Variants in XYLT1 observed in about 807,000 individuals in gnomAD.
The protein encoded by XYLT1 is xylosyltransferase 1, also known as beta-D-xylosyltransferase 1.
XYLT1 carries 36 observed loss-of-function variants against 91.3 expected under a neutral mutation model. The observed-to-expected ratio is 0.39, with a 90% CI of 0.30 to 0.52. The LOEUF is 0.52. XYLT1 is among the 20% of genes least tolerant of loss of function. The pLI, the probability that XYLT1 is intolerant of heterozygous loss-of-function variation, is 0.68. For synonymous variants in XYLT1, 588 were observed against 532.0 expected, an observed-to-expected ratio of 1.11 and a Z score of -1.45; for missense variants, 1,242 against 1,284.5, an observed-to-expected ratio of 0.97 and a Z score of 0.51.
chr16:17,373,713 G>A lies in XYLT1; in HGVS notation c.364-15663C>T, dbSNP rs115533091. Among the ~76,000 whole-genome samples the A allele has an allele frequency of 3.7e-3, 558 of 152,276 alleles. 5 individuals are homozygous for A. The highest frequency in any genetic ancestry group is 0.013 in the African/African-American group (539 of 41,536). On this transcript the variant is annotated intron_variant, in intron 1 of 11. Transcript: ENST00000261381. ...TATTAGCCTCTATTTACAGATGAGGGACCTGGGCTCAGAGAGGTTATGCCA... is the reference window on the plus strand; with the variant it reads ...TATTAGCCTCTATTTACAGATGAGGAACCTGGGCTCAGAGAGGTTATGCCA...
rs975849453 is a variant in XYLT1 at position 17,470,398 on chromosome 16, C to A, written c.363+36G>T. 3.3e-6 allele frequency: 4 copies of A among 1,222,436 alleles called. No individual in the cohort carries two copies. The African/African-American group carries it at 6.3e-5, about 19-fold the overall frequency. The allele number at this position is 1,222,436 out of a possible 1,614,324, so 75.7% of individuals were successfully genotyped here. ...TGGGGTCGGGCTGCCTTCCTCCCTC[C>A]CTCGCCGCGGGGCGCGAGCCGAAAG... On this transcript the variant is annotated intron_variant, in intron 1 of 11. Transcript: ENST00000261381.
At chr16:17,204,914 T>G (rs1349896687) in intron 3 of XYLT1, among the ~76,000 whole-genome samples, 1 of 150,102 alleles carries the variant, frequency 6.7e-6, no homozygotes, top group East Asian at 2.0e-4. Context: ...TATGTGGGTC[T>G]TTATGAACAC....
intron 5 of XYLT1, among the ~76,000 whole-genome samples, chr16:17,161,979 G>T (rs574599654): frequency 1.1e-4 from 17 of 152,064 alleles, no homozygotes; most frequent in Middle Eastern, 3.4e-3. Context: ...AATCTTTTTC[G>T]AAATGAATAA....
intron 1 of XYLT1, among the ~76,000 whole-genome samples, chr16:17,448,686 GGAGGGGGGAGGAGGAA>G (rs112948831): frequency 0.55 from 74,771 of 136,528 alleles, 24,107 homozygotes; most frequent in African/African-American, 0.89. Context: ...GAGGGGAGGT[GGAGGGGGGAGGAGGAA>G]GAGGGGGGAG....
intron 1 of XYLT1, among the ~76,000 whole-genome samples, chr16:17,385,524 T>C (rs1048450978): frequency 2.0e-5 from 3 of 151,914 alleles, no homozygotes; most frequent in Non-Finnish European, 4.4e-5. Flanking sequence ...CAAATGCATT[T>C]TTGACACAAT....
chr16:17,400,845 G>A (rs534070881), intron 1 of XYLT1, among the ~76,000 whole-genome samples: 5 of 152,170 alleles, frequency 3.3e-5, no homozygotes, highest in South Asian at 2.1e-4. Flanking sequence ...AAGGACAAAC[G>A]GGAATCAACC....
chr16:17,293,993 T>A (rs1019759745), intron 2 of XYLT1, among the ~76,000 whole-genome samples: 16 of 152,182 alleles, frequency 1.1e-4, no homozygotes, highest in African/African-American at 3.9e-4. Flanking sequence ...GCTCCATGGC[T>A]GTGCAATCTT....
intron 6 of XYLT1, among the ~76,000 whole-genome samples, chr16:17,149,394 A>G (rs547156767): frequency 2.0e-5 from 3 of 152,140 alleles, no homozygotes; most frequent in African/African-American, 7.2e-5. Context: ...TAAAAAAAAA[A>G]CAACCTGAGA....
intron 1 of XYLT1, among the ~76,000 whole-genome samples, chr16:17,468,267 A>G (rs1220036754): frequency 1.3e-5 from 2 of 152,078 alleles, no homozygotes; most frequent in Non-Finnish European, 2.9e-5. Flanking sequence ...GTGGGGGGAG[A>G]GGAAAGAAAG....
At position 17,424,761 on chromosome 16, in the gene XYLT1, G is replaced by A. The variant is rs185646680; in HGVS notation, c.363+45673C>T. Among the ~76,000 whole-genome samples, 502 of 151,748 alleles carry A rather than the reference G, an allele frequency of 3.3e-3. 1 individual carries two copies. The highest frequency in any genetic ancestry group is 5.7e-3 in the Non-Finnish European group (388 of 67,938). On this transcript the variant is annotated intron_variant, in intron 1 of 11. Transcript: ENST00000261381. ...TAGGTGCCTGTAATCCCAGCTACTC[G>A]GGAGGCTGAGGCAGGAGAATTGCTT...
chr16:17,134,543 G>T lies in XYLT1; in HGVS notation c.1957C>A (p.His653Asn). 1 of 1,614,160 alleles carries T rather than the reference G, an allele frequency of 6.2e-7. No homozygotes were observed. The highest frequency in any genetic ancestry group is 8.5e-7 in the Non-Finnish European group (1 of 1,180,034). The change falls in exon 9 of 12, where the codon CAC (histidine) becomes AAC (asparagine). Residue 653 changes from histidine (H) to asparagine (N), a missense_variant. Coordinates refer to ENST00000261381, the MANE Select transcript of XYLT1 (RefSeq NM_022166.4). ...CGAAGACCCAGGCGGGCAAAGGAGT[G>T]GTACAAGGTGAGTGTCACGTCGCTC... ...SLSDVTLTLY[H>N]SFARLGLRRA...
At chr16:17,402,373 G>T (rs2035981218) in intron 1 of XYLT1, among the ~76,000 whole-genome samples, 1 of 151,912 alleles carries the variant, frequency 6.6e-6, no homozygotes, top group South Asian at 2.1e-4. Flanking sequence ...ATATGAAAAA[G>T]ACGAAGTGTA....
intron 1 of XYLT1, among the ~76,000 whole-genome samples, chr16:17,450,328 A>T (rs2036649312): frequency 6.6e-6 from 1 of 151,900 alleles, no homozygotes; most frequent in Non-Finnish European, 1.5e-5. Context: ...ACAGAGCGAG[A>T]CTCCGTCTCA....
intron 1 of XYLT1, among the ~76,000 whole-genome samples, chr16:17,457,456 G>A (rs1386678261): frequency 6.6e-6 from 1 of 152,164 alleles, no homozygotes. Context: ...CAGCCTCCAG[G>A]CCAAAGAAGA....
intron 7 of XYLT1, among the ~76,000 whole-genome samples, chr16:17,140,416 T>G (rs2030933127): frequency 6.6e-6 from 1 of 152,080 alleles, no homozygotes; most frequent in Non-Finnish European, 1.5e-5. Context: ...ATCCCAGCAC[T>G]TTGAGAGGCT....
rs117886567 is a variant in XYLT1, at chr16:17,167,799, T to C, written c.1290-8890A>G. Among the ~76,000 whole-genome samples the C allele has an allele frequency of 8.1e-3, 1,057 of 129,694 alleles. 11 individuals are homozygous for C. The highest frequency in any genetic ancestry group is 0.049 in the Middle Eastern group (10 of 204). The allele number at this position is 129,694 out of a possible 152,430, so 85.1% of individuals were successfully genotyped here. On this transcript the variant is annotated intron_variant, in intron 5 of 11. Transcript: ENST00000261381. The stretch of plus-strand genomic sequence containing the variant: ...CTTCCATCTCGTGAATGGATTCTAA[T>C]TCATCCTTCCATCTCATGCATGGAT...
chr16:17,280,132 C>T (rs1349100496), intron 2 of XYLT1, among the ~76,000 whole-genome samples: 1 of 152,216 alleles, frequency 6.6e-6, no homozygotes, highest in Non-Finnish European at 1.5e-5. Context: ...AGGCAGATGA[C>T]TTGAGGTCAG....
chr16:17,317,177 C>T (rs1013840186), intron 2 of XYLT1, among the ~76,000 whole-genome samples: 4 of 152,070 alleles, frequency 2.6e-5, no homozygotes, highest in Non-Finnish European at 5.9e-5. Flanking sequence ...TGATCTGTTT[C>T]CCCATCTAGG....
At chr16:17,151,246 C>T (rs898379528) in intron 6 of XYLT1, among the ~76,000 whole-genome samples, 7 of 152,004 alleles carry the variant, frequency 4.6e-5, no homozygotes, top group East Asian at 1.9e-4. Context: ...GACAACATGG[C>T]GAAACCCCAT....
Sources: allele counts gnomAD v4.1 joint callset (sites outside exome capture counted in the v4.1 genomes callset), GRCh38; gene constraint gnomAD v4.1.1; transcripts MANE v1.5; gene names NCBI Gene and HGNC (gene_info 2026-07-23, HGNC 2026-07-21).